Variants in SRGAP1 observed in about 807,000 individuals in gnomAD.
SRGAP1 encodes SLIT-ROBO Rho GTPase activating protein 1, also known as SLIT-ROBO Rho GTPase-activating protein 1.
SRGAP1 carries 43 observed loss-of-function variants against 121.9 expected under a neutral mutation model. The observed-to-expected ratio is 0.35, with a 90% CI of 0.28 to 0.46. The LOEUF (loss-of-function observed/expected upper bound fraction) is 0.46, where lower values mean the gene tolerates loss of function less well. Among genes scored for constraint, SRGAP1 ranks in the 20% least tolerant of loss-of-function variants. SRGAP1 has a pLI of 1.00. For synonymous variants in SRGAP1, 447 were observed against 485.4 expected, an observed-to-expected ratio of 0.92 and a Z score of 1.04; for missense variants, 1,102 against 1,350.9, an observed-to-expected ratio of 0.82 and a Z score of 2.89.
chr12:63,946,021 C>T (rs945249204), intron 1 of SRGAP1, among the ~76,000 whole-genome samples: 1 of 151,580 alleles, frequency 6.6e-6, no homozygotes, highest in African/African-American at 2.4e-5. Context: ...CTGGTTCACC[C>T]ACACATACCT....
chr12:64,017,109 G>T, intron 4 of SRGAP1, 97 bp downstream of exon 4: 1 of 702,428 alleles, frequency 1.4e-6, no homozygotes. Flanking sequence ...AAGCCAGAGT[G>T]ACAATGGATC....
In SRGAP1 at chr12:64,154,757, G is replaced by A. The variant is rs1320381765; in HGVS notation, c.*12085G>A. On this transcript the variant is annotated 3_prime_UTR_variant, in exon 22 of 22. Transcript: ENST00000355086. Reference sequence around the variant, plus strand: ...AGGGGAGGATTTCTGGCCAGAAGGTGTAAATTTGATATTTAAAGCTATGGG... The same window carrying A: ...AGGGGAGGATTTCTGGCCAGAAGGTATAAATTTGATATTTAAAGCTATGGG... 5 of 152,212 alleles carry A rather than the reference G, an allele frequency of 3.3e-5. No homozygotes were observed. Among genetic ancestry groups the A allele is most frequent in the African/African-American group, 4.8e-5 (2 of 41,426 alleles). The allele number at this position is 152,212 out of a possible 1,614,324, so 9.4% of individuals were successfully genotyped here. A position where few individuals can be genotyped will look rare whatever the true frequency, so the allele number is the denominator to read the frequency against.
At chr12:64,107,243 G>A (rs1445818655) in intron 15 of SRGAP1, among the ~76,000 whole-genome samples, 1 of 152,164 alleles carries the variant, frequency 6.6e-6, no homozygotes, top group African/African-American at 2.4e-5. Context: ...GCTGGGGTCA[G>A]CACTCAAGAT....
intron 4 of SRGAP1, among the ~76,000 whole-genome samples, chr12:64,041,387 ATTTATTTATTTT>A (rs60987129): frequency 0.12 from 18,191 of 148,976 alleles, 1,323 homozygotes; most frequent in South Asian, 0.3. Context: ...TTATTTATTT[ATTTATTTATTTT>A]TTTGAGGCAA....
chr12:63,957,612 C>G (rs958415307), intron 1 of SRGAP1, among the ~76,000 whole-genome samples: 1 of 152,128 alleles, frequency 6.6e-6, no homozygotes, highest in Non-Finnish European at 1.5e-5. Context: ...TGCTGCTCGT[C>G]CCTGCCCTTA....
intron 21 of SRGAP1, among the ~76,000 whole-genome samples, chr12:64,130,986 C>T (rs1444594785): frequency 6.6e-6 from 1 of 152,230 alleles, no homozygotes; most frequent in Non-Finnish European, 1.5e-5. Context: ...TTGGCTTCTG[C>T]TGCTGGCAAA....
At chr12:63,954,546 T>C (rs978870428) in intron 1 of SRGAP1, among the ~76,000 whole-genome samples, 4 of 151,078 alleles carry the variant, frequency 2.6e-5, no homozygotes, top group African/African-American at 9.7e-5. Flanking sequence ...GGCGTGGTGG[T>C]GGGTGCCTGT....
intron 1 of SRGAP1, among the ~76,000 whole-genome samples, chr12:63,942,780 C>T (rs985916967): frequency 3.3e-5 from 5 of 152,212 alleles, no homozygotes; most frequent in Admixed American, 6.5e-5. Flanking sequence ...TGCCGTCTCC[C>T]AGCGCAGACG....
chr12:64,122,813 G>T (rs542426447), intron 18 of SRGAP1, among the ~76,000 whole-genome samples: 1 of 152,118 alleles, frequency 6.6e-6, no homozygotes, highest in Non-Finnish European at 1.5e-5. Flanking sequence ...CATGAGAATC[G>T]CTTGAACCCG....
At chr12:63,975,799 G>C (rs2033077150) in intron 1 of SRGAP1, among the ~76,000 whole-genome samples, 1 of 152,108 alleles carries the variant, frequency 6.6e-6, no homozygotes, top group South Asian at 2.1e-4. Flanking sequence ...TTCCACACCA[G>C]AAGACAGAAA....
intron 1 of SRGAP1, among the ~76,000 whole-genome samples, chr12:63,849,942 T>C (rs1899020980): frequency 6.6e-6 from 1 of 152,178 alleles, no homozygotes; most frequent in African/African-American, 2.4e-5. Context: ...TTACATTCAT[T>C]GAAGGAGTCA....
Position 64,124,443 on chromosome 12 carries a change from C to T in SRGAP1, c.2225-1534C>T, listed in dbSNP as rs73321343. ...ATTCTAGAGTATTTGGAAATGAATG[C>T]ATGCCCAGTTTTTAGCAAATGATGT... On this transcript the variant is annotated intron_variant, in intron 18 of 21. Coordinates refer to ENST00000355086, the MANE Select transcript of SRGAP1 (RefSeq NM_020762.4). Among the ~76,000 whole-genome samples the T allele has an allele frequency of 1.9e-3, 289 of 152,346 alleles. 1 individual carries two copies. Among genetic ancestry groups the T allele is most frequent in the African/African-American group, 6.5e-3 (269 of 41,582 alleles).
intron 10 of SRGAP1, among the ~76,000 whole-genome samples, chr12:64,086,649 T>C (rs902209598): frequency 2.6e-5 from 4 of 151,558 alleles, no homozygotes; most frequent in Non-Finnish European, 4.4e-5. Flanking sequence ...CATCTAAATC[T>C]TGGATATGTC....
At chr12:63,981,622 A>G (rs2136405210) in intron 1 of SRGAP1, among the ~76,000 whole-genome samples, 1 of 152,318 alleles carries the variant, frequency 6.6e-6, no homozygotes, top group African/African-American at 2.4e-5. Context: ...TTGATTGACT[A>G]AAAACCAGAT....
intron 1 of SRGAP1, among the ~76,000 whole-genome samples, chr12:63,863,266 C>CT (rs1404045182): frequency 5.7e-5 from 8 of 140,318 alleles, no homozygotes; most frequent in Admixed American, 1.4e-4. Flanking sequence ...AAAGGTTGCT[C>CT]TTTTTTTTTC....
In SRGAP1 at chr12:63,855,386, A is replaced by T. The variant is rs989229298; in HGVS notation, c.67+10503A>T. ...AAGCTGGGAAATATAGTCTCTCTGG[A>T]TGGCCCTGTTTCTAATTATAACTTG... is the stretch of plus-strand genomic sequence containing the variant. On this transcript the variant is annotated intron_variant, in intron 1 of 21. Transcript: ENST00000355086. 1.6e-4 allele frequency among the ~76,000 whole-genome samples: 23 copies of T among 146,714 alleles called. No individual in the cohort carries two copies. The Admixed American group carries it at 1.6e-3, about 10-fold the overall frequency.
At chr12:63,883,603 T>A (rs1185355661) in intron 1 of SRGAP1, among the ~76,000 whole-genome samples, 2 of 152,084 alleles carry the variant, frequency 1.3e-5, no homozygotes, top group African/African-American at 4.8e-5. Context: ...TGTTCATCAA[T>A]CCAGGAGGTA....
chr12:63,883,130 C>T (rs2136288180), intron 1 of SRGAP1, among the ~76,000 whole-genome samples: 1 of 152,328 alleles, frequency 6.6e-6, no homozygotes, highest in African/African-American at 2.4e-5. Flanking sequence ...CCCACAGGGA[C>T]TTTTCCCATT....
chr12:64,082,928 T>A (rs1036656802), intron 10 of SRGAP1, among the ~76,000 whole-genome samples: 3 of 152,218 alleles, frequency 2.0e-5, no homozygotes, highest in Non-Finnish European at 4.4e-5. Context: ...CATCTCTGCT[T>A]CCTAGCCCTG....
Sources: allele counts gnomAD v4.1 joint callset (sites outside exome capture counted in the v4.1 genomes callset), GRCh38; gene constraint gnomAD v4.1.1; transcripts MANE v1.5; gene names NCBI Gene and HGNC (gene_info 2026-07-23, HGNC 2026-07-21).